The following LZTS1 variants were observed in gnomAD, a reference collection of about 807,000 sequenced individuals.
LZTS1 encodes the protein leucine zipper tumor suppressor 1.
A neutral mutation model predicts 45.8 loss-of-function variants in LZTS1; 31 were observed. That is an observed-to-expected ratio of 0.68 (90% CI 0.51 to 0.91). The LOEUF (loss-of-function observed/expected upper bound fraction) is 0.91. Ranked by LOEUF, LZTS1 falls within the 40% of genes least tolerant of loss-of-function variation. The pLI is 0.00. For synonymous variants in LZTS1, 359 were observed against 357.3 expected, an observed-to-expected ratio of 1.00 and a Z score of -0.05; for missense variants, 821 against 788.9, an observed-to-expected ratio of 1.04 and a Z score of -0.49.
chr8:20,271,254 C>T (rs1800469783), intron 1 of LZTS1, among the ~76,000 whole-genome samples: 1 of 152,188 alleles, frequency 6.6e-6, no homozygotes, highest in African/African-American at 2.4e-5. Context: ...TGCAAGGCTT[C>T]TCAGTGAACT....
chr8:20,302,941 G>A (rs533009675), intron 1 of LZTS1, among the ~76,000 whole-genome samples: 1 of 152,070 alleles, frequency 6.6e-6, no homozygotes, highest in Non-Finnish European at 1.5e-5. Flanking sequence ...TTGGTGTCTC[G>A]GGGATGCCTG....
chr8:20,257,506 G>C (rs1800133823), intron 1 of LZTS1, among the ~76,000 whole-genome samples: 1 of 152,128 alleles, frequency 6.6e-6, no homozygotes, highest in South Asian at 2.1e-4. Flanking sequence ...GAAGATTCAA[G>C]AGAGAAAGAA....
intron 1 of LZTS1, among the ~76,000 whole-genome samples, chr8:20,277,976 T>C (rs1436330787): frequency 6.6e-6 from 1 of 152,182 alleles, no homozygotes; most frequent in East Asian, 1.9e-4. Flanking sequence ...TATGTATCAC[T>C]TAGCACAGCG....
chr8:20,259,679 A>T (rs1214562246), intron 1 of LZTS1, among the ~76,000 whole-genome samples: 1 of 152,082 alleles, frequency 6.6e-6, no homozygotes, highest in Admixed American at 6.5e-5. Flanking sequence ...GAGACTCTGC[A>T]CTTGCTGCTG....
At chr8:20,260,340 G>C (rs1474439587) in intron 1 of LZTS1, among the ~76,000 whole-genome samples, 1 of 152,144 alleles carries the variant, frequency 6.6e-6, no homozygotes, top group East Asian at 1.9e-4. Context: ...ATCTCTACCA[G>C]AATCTGAGAG....
At position 20,284,379 on chromosome 8, in the gene LZTS1, C is replaced by G. The variant is rs954059579; in HGVS notation, c.-135+19361G>C. On this transcript the variant is annotated intron_variant, in intron 1 of 3. Coordinates refer to ENST00000381569, the MANE Select transcript of LZTS1 (RefSeq NM_021020.5). The stretch of plus-strand genomic sequence containing the variant: ...AAACCATCTCTGGGAGACCAGAGCA[C>G]AGCTGCCCTTCTGAAGATAACCAGG... Among the ~76,000 whole-genome samples the G allele has an allele frequency of 3.3e-5, 5 of 152,308 alleles. No individual in the cohort carries two copies. The South Asian group carries it at 1.0e-3, about 32-fold the overall frequency.
In LZTS1 at chr8:20,263,224, G is replaced by A. The variant is rs1800279264; in HGVS notation, c.-134-7909C>T. ...CCCCACGACCGCCTTGAACTTGGAA[G>A]CAGGCGGAGACTGGGCGGGGAGATG... On this transcript the variant is annotated intron_variant, in intron 1 of 3. Transcript: ENST00000381569. 2.0e-5 allele frequency among the ~76,000 whole-genome samples: 3 copies of A among 152,194 alleles called. No homozygotes were observed. The East Asian group carries it at 5.8e-4, about 29-fold the overall frequency.
At chr8:20,259,695 C>A (rs1286085517) in intron 1 of LZTS1, among the ~76,000 whole-genome samples, 1 of 152,136 alleles carries the variant, frequency 6.6e-6, no homozygotes, top group Admixed American at 6.6e-5. Context: ...TGCTGCTTCC[C>A]CTGCCTGGAA....
At chr8:20,264,117 A>C (rs1326847442) in intron 1 of LZTS1, among the ~76,000 whole-genome samples, 1 of 152,122 alleles carries the variant, frequency 6.6e-6, no homozygotes, top group African/African-American at 2.4e-5. Context: ...TATGAATGCT[A>C]TATGTTTTTT....
chr8:20,278,972 GTCACCTGTCAGTGCTTTC>G (rs1463915726), intron 1 of LZTS1, among the ~76,000 whole-genome samples: 2 of 152,134 alleles, frequency 1.3e-5, no homozygotes, highest in African/African-American at 2.4e-5. Context: ...TATTTGTCCT[GTCACCTGTCAGTGCTTTC>G]TCACCATTTC....
chr8:20,293,365 AC>A (rs1228305109), intron 1 of LZTS1, among the ~76,000 whole-genome samples: 4 of 151,886 alleles, frequency 2.6e-5, no homozygotes, highest in Non-Finnish European at 5.9e-5. Context: ...TTCTTTCCCC[AC>A]CACCTGCTCT....
intron 1 of LZTS1, among the ~76,000 whole-genome samples, chr8:20,262,562 A>T: frequency 6.6e-6 from 1 of 150,900 alleles, no homozygotes; most frequent in Admixed American, 6.6e-5. Context: ...CCAGCCTGAT[A>T]AAGTGGTTTT....
At chr8:20,274,841 G>A (rs912033850) in intron 1 of LZTS1, among the ~76,000 whole-genome samples, 7 of 152,180 alleles carry the variant, frequency 4.6e-5, no homozygotes, top group Non-Finnish European at 1.0e-4. Flanking sequence ...TGGAAGTTAG[G>A]ATTTGTACAA....
chr8:20,253,001 C>T lies in LZTS1; in HGVS notation c.930G>A (p.Glu310=). The T allele has an allele frequency of 6.3e-7, 1 of 1,591,652 alleles. No homozygotes were observed. Among genetic ancestry groups the T allele is most frequent in the Non-Finnish European group, 8.5e-7 (1 of 1,169,992 alleles). ...RRCRDELEGP[E]PKGGNKLKQA... The stretch of plus-strand genomic sequence containing the variant: ...GCTTGAGCTTGTTGCCGCCTTTGGG[C>T]TCCGGGCCCTCCAGCTCGTCCCTGC... Residue 310 remains glutamate, a synonymous_variant, in exon 3 of 4, where the codon GAG becomes GAA. Transcript: ENST00000381569.
Position 20,249,907 on chromosome 8 carries a change from TCTC to T in LZTS1, c.1603_1605del (p.Glu535del). 1 of 1,613,988 alleles carries T rather than the reference TCTC, an allele frequency of 6.2e-7. No homozygotes were observed. The highest frequency in any genetic ancestry group is 8.5e-7 in the Non-Finnish European group (1 of 1,179,974). ...TTCTGGTACTGAATCACCTTCTCCTTCTCCTCCTTCCACACGAGCCGCTCATGC... is the reference window on the plus strand; with the variant it reads ...TTCTGGTACTGAATCACCTTCTCCTTCTCCTTCCACACGAGCCGCTCATGC... On this transcript the variant is annotated inframe_deletion, in exon 4 of 4. Transcript: ENST00000381569.
At chr8:20,265,561 C>T (rs1296923275) in intron 1 of LZTS1, among the ~76,000 whole-genome samples, 1 of 151,074 alleles carries the variant, frequency 6.6e-6, no homozygotes, top group Non-Finnish European at 1.5e-5. Context: ...TGCCTATAGT[C>T]CCAGCTATTT....
At chr8:20,257,401 A>T (rs1231328189) in intron 1 of LZTS1, among the ~76,000 whole-genome samples, 1 of 152,166 alleles carries the variant, frequency 6.6e-6, no homozygotes, top group African/African-American at 2.4e-5. Flanking sequence ...TAAGATAACA[A>T]TTGAGAATTA....
intron 1 of LZTS1, among the ~76,000 whole-genome samples, chr8:20,300,241 A>T (rs1801051565): frequency 6.6e-6 from 1 of 152,212 alleles, no homozygotes; most frequent in Non-Finnish European, 1.5e-5. Flanking sequence ...TCCCTGCCAA[A>T]GGTCTCTGAG....
chr8:20,283,226 T>C (rs1457901659), intron 1 of LZTS1, among the ~76,000 whole-genome samples: 3 of 152,160 alleles, frequency 2.0e-5, no homozygotes, highest in Admixed American at 6.5e-5. Context: ...AAAATGCATA[T>C]GTCGAAACTT....
Sources: allele counts gnomAD v4.1 joint callset (sites outside exome capture counted in the v4.1 genomes callset), GRCh38; gene constraint gnomAD v4.1.1; transcripts MANE v1.5; gene names NCBI Gene and HGNC (gene_info 2026-07-23, HGNC 2026-07-21).